The following ANO4 variants were observed in gnomAD, a reference collection of about 807,000 sequenced individuals.
ANO4 encodes anoctamin-4.
A neutral mutation model predicts 141.9 loss-of-function variants in ANO4; 69 were observed. The observed-to-expected ratio is 0.49, with a 90% CI of 0.40 to 0.59. The LOEUF is 0.59. ANO4 is among the 20% of genes least tolerant of loss of function. The pLI is 0.00. For synonymous variants in ANO4, 350 were observed against 394.3 expected (o/e 0.89, Z 1.33); for missense variants, 894 against 1,162.2 (o/e 0.77, Z 3.36).
intron 2 of ANO4, among the ~76,000 whole-genome samples, chr12:100,914,033 G>A (rs1178924000): frequency 2.6e-5 from 4 of 152,146 alleles, no homozygotes; most frequent in East Asian, 3.8e-4. Flanking sequence ...AAGAGCCCTC[G>A]TCATCACAAC....
chr12:100,801,631 T>C lies in ANO4; in HGVS notation c.-141+6604T>C, dbSNP rs139149345. ...ACAGAGACTGTAGTCAGCTGTATACTTGCAGATAAGGCAGGGGGTAGAAAG... is the reference window on the plus strand; with the variant it reads ...ACAGAGACTGTAGTCAGCTGTATACCTGCAGATAAGGCAGGGGGTAGAAAG... On this transcript the variant is annotated intron_variant, in intron 1 of 27. Transcript: ENST00000392977. Among the ~76,000 whole-genome samples, 419 of 151,844 alleles carry C rather than the reference T, an allele frequency of 2.8e-3. 1 individual carries two copies. Among genetic ancestry groups the C allele is most frequent in the African/African-American group, 9.3e-3 (386 of 41,382 alleles).
chr12:100,717,540 C>G (rs118038390), exon 1 of ANO4: 2 of 399,498 alleles, frequency 5.0e-6, no homozygotes, highest in African/African-American at 4.1e-5. Context: ...CCTCCCTCAC[C>G]GCATACGGTA....
At chr12:101,041,574 G>A (rs1233199737) in intron 11 of ANO4, among the ~76,000 whole-genome samples, 1 of 152,140 alleles carries the variant, frequency 6.6e-6, no homozygotes, top group African/African-American at 2.4e-5. Flanking sequence ...TGTCTATTGT[G>A]TATCTAGTAC....
At chr12:100,839,815 C>CA (rs2037142850) in intron 1 of ANO4, among the ~76,000 whole-genome samples, 1 of 151,950 alleles carries the variant, frequency 6.6e-6, no homozygotes, top group South Asian at 2.1e-4. Flanking sequence ...TCACTGTCTG[C>CA]AAAAATGAAT....
chr12:100,836,389 C>T (rs187920055), intron 1 of ANO4, among the ~76,000 whole-genome samples: 252 of 152,036 alleles, frequency 1.7e-3, no homozygotes, highest in Admixed American at 3.1e-3. Flanking sequence ...ATGTGCACAA[C>T]ATGCAGGTTT....
chr12:101,037,119 G>C lies in ANO4; in HGVS notation c.866G>C (p.Gly289Ala). 1.2e-6 allele frequency: 2 copies of C among 1,613,926 alleles called. No individual in the cohort carries two copies. The highest frequency in any genetic ancestry group is 1.7e-5 in the Admixed American group (1 of 60,002). Residue 289 changes from glycine to alanine, a missense_variant, in exon 10 of 28, where the codon GGC (glycine) becomes GCC (alanine). Physicochemically the swap from Gly to Ala is moderately conservative, Grantham distance 60. Around this residue, in one of 2 missense-constraint regions of ANO4, gnomAD observed 637 missense variants for 909.2 expected, o/e 0.70. Coordinates refer to ENST00000392977, the MANE Select transcript of ANO4 (RefSeq NM_001286615.2). Reference protein sequence around the residue: ...KIGLNRLLTNGSYEAAFPLHE... With the variant: ...KIGLNRLLTNASYEAAFPLHE... Reference sequence around the variant, plus strand: ...GGTCTGAATCGTTTGCTTACCAATGGCTCCTATGAAGCTGCGTTTCCCCTG... The same window carrying C: ...GGTCTGAATCGTTTGCTTACCAATGCCTCCTATGAAGCTGCGTTTCCCCTG...
At chr12:101,037,910 G>C (rs1255906822) in intron 10 of ANO4, among the ~76,000 whole-genome samples, 1 of 152,190 alleles carries the variant, frequency 6.6e-6, no homozygotes, top group Non-Finnish European at 1.5e-5. Context: ...GCAACTGTTA[G>C]CTGATGTTCA....
intron 3 of ANO4, among the ~76,000 whole-genome samples, chr12:100,774,986 T>C (rs531677966): frequency 5.3e-5 from 8 of 152,370 alleles, no homozygotes; most frequent in Admixed American, 4.6e-4. Flanking sequence ...AGATCTCTAA[T>C]GCTCATAAGG....
intron 3 of ANO4, among the ~76,000 whole-genome samples, chr12:100,746,766 T>C (rs1329112364): frequency 1.3e-5 from 2 of 152,186 alleles, no homozygotes; most frequent in Admixed American, 1.3e-4. Context: ...TCTTGTCCTG[T>C]GTGTAGTACC....
intron 8 of ANO4, among the ~76,000 whole-genome samples, chr12:101,014,291 C>T (rs2046225521): frequency 6.6e-6 from 1 of 152,180 alleles, no homozygotes; most frequent in South Asian, 2.1e-4. Context: ...GTAACTAAAA[C>T]CCGATTGCGC....
chr12:100,949,807 T>A (rs141559269), intron 5 of ANO4, among the ~76,000 whole-genome samples: 1 of 152,140 alleles, frequency 6.6e-6, no homozygotes, highest in Admixed American at 6.5e-5. Context: ...TTGGAGAGGA[T>A]TTGGTTTTAG....
intron 2 of ANO4, among the ~76,000 whole-genome samples, chr12:100,905,645 A>T (rs547913316): frequency 3.9e-5 from 6 of 152,270 alleles, no homozygotes; most frequent in African/African-American, 1.4e-4. Flanking sequence ...AGATGCTCTG[A>T]ATATGGGCAA....
At chr12:101,009,009 A>G (rs1405796638) in intron 8 of ANO4, among the ~76,000 whole-genome samples, 1 of 152,028 alleles carries the variant, frequency 6.6e-6, no homozygotes. Flanking sequence ...GTGACTTCCT[A>G]ATAAGATTAC....
intron 3 of ANO4, among the ~76,000 whole-genome samples, chr12:100,768,657 A>G (rs2033181014): frequency 6.6e-6 from 1 of 152,102 alleles, no homozygotes; most frequent in African/African-American, 2.4e-5. Context: ...GTATTTGTTG[A>G]ATTTAATTGC....
At chr12:101,087,739 C>A (rs965721826) in intron 17 of ANO4, among the ~76,000 whole-genome samples, 20 of 152,154 alleles carry the variant, frequency 1.3e-4, no homozygotes, top group Non-Finnish European at 5.9e-5. Flanking sequence ...CATCTTCCCT[C>A]CAGAATCAGC....
At chr12:100,970,491 C>T (rs1407632157) in intron 5 of ANO4, among the ~76,000 whole-genome samples, 7 of 152,148 alleles carry the variant, frequency 4.6e-5, no homozygotes, top group Admixed American at 3.3e-4. Context: ...GGTGCCTTCT[C>T]CTCCTTAGGT....
intron 1 of ANO4, among the ~76,000 whole-genome samples, chr12:100,728,675 C>T (rs2031243323): frequency 6.6e-6 from 1 of 152,152 alleles, no homozygotes; most frequent in Non-Finnish European, 1.5e-5. Flanking sequence ...AAATGTTCAG[C>T]ATAGTGCCTG....
intron 3 of ANO4, among the ~76,000 whole-genome samples, chr12:100,742,391 A>G (rs2031908803): frequency 6.6e-6 from 1 of 152,082 alleles, no homozygotes; most frequent in South Asian, 2.1e-4. Context: ...CATTTTGTTT[A>G]AAAAATACAG....
intron 1 of ANO4, among the ~76,000 whole-genome samples, chr12:100,729,832 A>G (rs1395124333): frequency 6.6e-6 from 1 of 152,204 alleles, no homozygotes; most frequent in Non-Finnish European, 1.5e-5. Flanking sequence ...TCTTTTCAAA[A>G]TACTGCCACC....
Sources: allele counts gnomAD v4.1 joint callset (sites outside exome capture counted in the v4.1 genomes callset), GRCh38; gene constraint gnomAD v4.1.1; regional missense constraint gnomAD v4.1.1; transcripts MANE v1.5; gene names NCBI Gene and HGNC (gene_info 2026-07-23, HGNC 2026-07-21).